ADAMTS6: variants seen among roughly 807,000 people sequenced by gnomAD.
The protein encoded by ADAMTS6 is A disintegrin and metalloproteinase with thrombospondin motifs 6.
ADAMTS6 carries 23 observed loss-of-function variants against 144.3 expected under a neutral mutation model. The observed-to-expected ratio is 0.16, with a 90% CI of 0.11 to 0.23. ADAMTS6 has a LOEUF of 0.23. Ranked by LOEUF, ADAMTS6 falls within the 10% of genes least tolerant of loss-of-function variation. The pLI, the probability that ADAMTS6 is intolerant of heterozygous loss-of-function variation, is 1.00. For synonymous variants in ADAMTS6, 444 were observed against 457.5 expected, an observed-to-expected ratio of 0.97 and a Z score of 0.38; for missense variants, 999 against 1,379.6, an observed-to-expected ratio of 0.72 and a Z score of 4.37.
chr5:65,263,103 G>GTC, intron 12 of ADAMTS6, 141 bp from the exon 13 acceptor site: 2 of 1,059,722 alleles, frequency 1.9e-6, no homozygotes, highest in East Asian at 2.7e-5. Context: ...TTCTCTAACT[G>GTC]TGTTTAGACA....
Position 65,170,679 on chromosome 5 carries a change from C to T in ADAMTS6, c.3182G>A (p.Arg1061Gln), listed in dbSNP as rs147530267. 1.5e-4 allele frequency: 250 copies of T among 1,613,886 alleles called. No homozygotes were observed. The highest frequency in any genetic ancestry group is 1.6e-4 in the Middle Eastern group (1 of 6,084). ...TTCACACTGCTGCATTGATGGAGGCCGAACAGTTTCTAGACAGTCACTAGA... is the reference window on the plus strand; with the variant it reads ...TTCACACTGCTGCATTGATGGAGGCTGAACAGTTTCTAGACAGTCACTAGA... ...QASSDCLETVRPPSMQQCESK... is the reference protein window; with the variant it reads ...QASSDCLETVQPPSMQQCESK... The change falls in exon 24 of 25, where the codon CGG becomes CAG. Residue 1061 changes from arginine to glutamine, a missense_variant. Physicochemically the swap from Arg to Gln is conservative, Grantham distance 43. Transcript: ENST00000381055.
chr5:65,224,941 T>C lies in ADAMTS6; in HGVS notation c.2174A>G (p.Asp725Gly). The change falls in exon 17 of 25, where the codon GAT becomes GGT. Residue 725 changes from aspartate to glycine, a missense_variant. Around this residue, in one of 3 missense-constraint regions of ADAMTS6, gnomAD observed 619 missense variants for 837.0 expected, o/e 0.74. Transcript: ENST00000381055. Reference sequence around the variant, plus strand: ...ATACTCACCTCCCCTGGGCAGTGAATCATTGAAGAACCCTTCAATGGCATC... The same window carrying C: ...ATACTCACCTCCCCTGGGCAGTGAACCATTGAAGAACCCTTCAATGGCATC... Reference protein sequence around the residue: ...TCDAIEGFFNDSLPRGGYMEV... With the variant: ...TCDAIEGFFNGSLPRGGYMEV... The C allele has an allele frequency of 6.2e-7, 1 of 1,613,756 alleles. No homozygotes were observed. The highest frequency in any genetic ancestry group is 8.5e-7 in the Non-Finnish European group (1 of 1,179,866).
intron 7 of ADAMTS6, among the ~76,000 whole-genome samples, chr5:65,450,315 T>TA (rs2150247177): frequency 6.6e-6 from 1 of 152,250 alleles, no homozygotes; most frequent in South Asian, 2.1e-4. Flanking sequence ...GTATAACTAT[T>TA]AAAAAAATTC....
At chr5:65,317,613 G>C (rs1012497655) in intron 9 of ADAMTS6, among the ~76,000 whole-genome samples, 3 of 152,124 alleles carry the variant, frequency 2.0e-5, no homozygotes, top group Non-Finnish European at 1.5e-5. Flanking sequence ...TCAACAAAGT[G>C]AAGAGACAAC....
chr5:65,239,403 T>C (rs1469608299), intron 15 of ADAMTS6, among the ~76,000 whole-genome samples: 4 of 152,084 alleles, frequency 2.6e-5, no homozygotes, highest in Non-Finnish European at 4.4e-5. Flanking sequence ...ATACCAAAAA[T>C]TATTTTGAGA....
intron 7 of ADAMTS6, among the ~76,000 whole-genome samples, chr5:65,445,922 T>C (rs953068878): frequency 3.9e-5 from 6 of 152,180 alleles, no homozygotes; most frequent in African/African-American, 1.4e-4. Flanking sequence ...ACTGTGTTAA[T>C]ACACTTTTAG....
At chr5:65,439,746 C>G (rs2150230311) in intron 7 of ADAMTS6, among the ~76,000 whole-genome samples, 1 of 152,196 alleles carries the variant, frequency 6.6e-6, no homozygotes, top group Non-Finnish European at 1.5e-5. Flanking sequence ...AGTACTGTAT[C>G]AACACTACAT....
rs200297493 is a variant in ADAMTS6 at position 65,294,906 on chromosome 5, ACTGT to A, written c.1371-3440_1371-3437del. 3.4e-3 allele frequency among the ~76,000 whole-genome samples: 511 copies of A among 151,234 alleles called. 1 individual carries two copies. Among genetic ancestry groups the A allele is most frequent in the African/African-American group, 0.012 (493 of 41,170 alleles). ...TTTCCTTGTTTTGCTTAATAATTTTACTGTCTAATTATTCATCTGCCAGTTTTGA... is the reference window on the plus strand; with the variant it reads ...TTTCCTTGTTTTGCTTAATAATTTTACTAATTATTCATCTGCCAGTTTTGA... On this transcript the variant is annotated intron_variant, in intron 10 of 24. Transcript: ENST00000381055.
chr5:65,421,873 G>A (rs1756074279), intron 7 of ADAMTS6, among the ~76,000 whole-genome samples: 1 of 152,034 alleles, frequency 6.6e-6, no homozygotes, highest in Non-Finnish European at 1.5e-5. Flanking sequence ...AGAAAACCTA[G>A]GAAAAACTCT....
At chr5:65,198,691 C>T (rs1229845994) in intron 20 of ADAMTS6, 2 of 166,926 alleles carry the variant, frequency 1.2e-5, no homozygotes, top group Admixed American at 1.3e-4. Flanking sequence ...CTTCTGCAAC[C>T]ATTTTTTATG....
intron 8 of ADAMTS6, among the ~76,000 whole-genome samples, chr5:65,333,534 G>A (rs1201464513): frequency 6.6e-6 from 1 of 151,030 alleles, no homozygotes; most frequent in African/African-American, 2.4e-5. Context: ...TAATTTATGG[G>A]GCTATACTTT....
At chr5:65,175,527 C>T (rs940289474) in intron 22 of ADAMTS6, among the ~76,000 whole-genome samples, 3 of 151,406 alleles carry the variant, frequency 2.0e-5, no homozygotes, top group Non-Finnish European at 4.4e-5. Context: ...TAAACAAGGG[C>T]GTATTCCCGA....
intron 12 of ADAMTS6, among the ~76,000 whole-genome samples, chr5:65,264,493 C>G (rs1761455325): frequency 6.6e-6 from 1 of 152,106 alleles, no homozygotes; most frequent in South Asian, 2.1e-4. Context: ...CCTTGACCAT[C>G]CTCATTCTAA....
At chr5:65,469,107 T>A (rs565641483) in intron 3 of ADAMTS6, among the ~76,000 whole-genome samples, 48 of 152,334 alleles carry the variant, frequency 3.2e-4, no homozygotes, top group African/African-American at 1.2e-3. Context: ...TTCAATTTTT[T>A]AAAATATTAT....
In ADAMTS6 at chr5:65,230,329, TTA is replaced by T. The variant is rs1580125728; in HGVS notation, c.1934-4112_1934-4111del. Among the ~76,000 whole-genome samples, 3 of 129,448 alleles carry T rather than the reference TTA, an allele frequency of 2.3e-5. 1 individual carries two copies. The highest frequency in any genetic ancestry group is 4.7e-5 in the Non-Finnish European group (3 of 64,116). The allele number at this position is 129,448 out of a possible 152,430, so 84.9% of individuals were successfully genotyped here. Reference sequence around the variant, plus strand: ...ATATATATGAAATATATATAATACATTATATATATGAAATATATATAATACAT... The same window carrying T: ...ATATATATGAAATATATATAATACATTATATATGAAATATATATAATACAT... On this transcript the variant is annotated intron_variant, in intron 15 of 24. Transcript: ENST00000381055.
At chr5:65,312,877 T>C (rs1414487731) in intron 9 of ADAMTS6, among the ~76,000 whole-genome samples, 1 of 151,936 alleles carries the variant, frequency 6.6e-6, no homozygotes, top group Non-Finnish European at 1.5e-5. Context: ...GTATATATAA[T>C]AGTCATTGCA....
At chr5:65,374,667 G>A (rs1021863775) in intron 7 of ADAMTS6, among the ~76,000 whole-genome samples, 1 of 152,138 alleles carries the variant, frequency 6.6e-6, no homozygotes, top group Non-Finnish European at 1.5e-5. Context: ...TCAATGTCGT[G>A]AAAATGGCCA....
intron 21 of ADAMTS6, among the ~76,000 whole-genome samples, chr5:65,194,162 A>G (rs904612514): frequency 2.6e-5 from 4 of 152,194 alleles, no homozygotes; most frequent in East Asian, 1.9e-4. Context: ...TATAATACCA[A>G]TGTCAACTGG....
intron 20 of ADAMTS6, among the ~76,000 whole-genome samples, chr5:65,212,423 C>CTTTT (rs397881866): frequency 1.9e-5 from 2 of 107,858 alleles, no homozygotes; most frequent in Admixed American, 1.0e-4. Context: ...TTTTCTCTCT[C>CTTTT]TTTTTTTTTT....
Sources: gnomAD v4.1 joint callset for allele counts (sites outside exome capture counted in the v4.1 genomes callset) on GRCh38, gnomAD v4.1.1 for gene constraint, gnomAD v4.1.1 regional missense constraint, MANE v1.5 for transcripts, NCBI Gene and HGNC (gene_info 2026-07-23, HGNC 2026-07-21) for gene names.